PCDHA11: variants seen among roughly 807,000 people sequenced by gnomAD.
The protein encoded by PCDHA11 is protocadherin alpha-11.
A neutral mutation model predicts 70.3 loss-of-function variants in PCDHA11; 61 were observed. That is an observed-to-expected ratio of 0.87 (90% CI 0.71 to 1.07). PCDHA11 has a LOEUF of 1.07. Among genes scored for constraint, PCDHA11 ranks in the 50% least tolerant of loss-of-function variants. The pLI is 0.00. For synonymous variants in PCDHA11, 633 were observed against 555.1 expected, an observed-to-expected ratio of 1.14 and a Z score of -1.97; for missense variants, 1,324 against 1,237.5, an observed-to-expected ratio of 1.07 and a Z score of -1.05.
rs544074425 is a variant in PCDHA11, at chr5:140,965,070, C to A, written c.2392-13879C>A. Among the ~76,000 whole-genome samples the A allele has an allele frequency of 1.2e-4, 19 of 152,306 alleles. 1 individual carries two copies. In the South Asian group the frequency reaches 3.9e-3, roughly 32 times the overall value. On this transcript the variant is annotated intron_variant, in intron 1 of 3. Coordinates refer to ENST00000398640, the MANE Select transcript of PCDHA11 (RefSeq NM_018902.5). ...GGGAAGCATGCCAAATGTCAGGTCT[C>A]ACTCTGACTTTGTTCCAGTCCATAG... is the stretch of plus-strand genomic sequence containing the variant.
rs143580970 is a variant in PCDHA11, at chr5:140,976,476, G to A, written c.2392-2473G>A. ...TGGGGAAGAAGAATTGCTTGAATCC[G>A]GGAGGCAGAGGTTGCAGGGAGCCAA... On this transcript the variant is annotated intron_variant, in intron 1 of 3. Transcript: ENST00000398640. 8.2e-3 allele frequency among the ~76,000 whole-genome samples: 1,253 copies of A among 152,132 alleles called. 22 individuals carry two copies. The highest frequency in any genetic ancestry group is 0.028 in the African/African-American group (1,179 of 41,504).
Position 140,953,715 on chromosome 5 carries a change from A to T in PCDHA11, c.2392-25234A>T, listed in dbSNP as rs535385036. Among the ~76,000 whole-genome samples the T allele has an allele frequency of 2.6e-5, 4 of 152,312 alleles. No homozygotes were observed. The South Asian group carries it at 6.2e-4, about 24-fold the overall frequency. On this transcript the variant is annotated intron_variant, in intron 1 of 3. Transcript: ENST00000398640. ...TGATCTACTAGACTGAGCTTCAGAC[A>T]TTGTGTTTTGAAATTTTTGCTTAAC...
Position 140,870,676 on chromosome 5 carries a change from G to T in PCDHA11, c.1573G>T (p.Glu525Ter). 1 of 1,612,702 alleles carries T rather than the reference G, an allele frequency of 6.2e-7. No individual in the cohort carries two copies. ...KVYALQPLDH[E>*]ELELLQFQVS... ...GTACGCGCTGCAGCCGTTGGACCAC[G>T]AGGAGCTGGAGCTGCTACAGTTCCA... Residue 525 changes from glutamate to a stop codon, truncating the protein, a stop_gained, in exon 1 of 4, where the codon GAG becomes TAG. Transcript: ENST00000398640. LOFTEE classifies it high-confidence loss of function.
At position 140,870,539 on chromosome 5, in the gene PCDHA11, G is replaced by C. The variant is rs367673976; in HGVS notation, c.1436G>C (p.Arg479Pro). 1.2e-5 allele frequency: 20 copies of C among 1,614,040 alleles called. No individual in the cohort carries two copies. The highest frequency in any genetic ancestry group is 1.7e-5 in the Admixed American group (1 of 60,012). ...TGCCACATCTTCACAGTGTCGGCGC[G>C]GGACGCGGACGCGCAGGAGAACGCG... is the stretch of plus-strand genomic sequence containing the variant. ...PGCHIFTVSA[R>P]DADAQENALV... The change falls in exon 1 of 4, where the codon CGG becomes CCG. Residue 479 changes from arginine to proline, a missense_variant. Transcript: ENST00000398640.
intron 1 of PCDHA11, among the ~76,000 whole-genome samples, chr5:140,895,936 G>A (rs1428112046): frequency 6.6e-6 from 1 of 151,984 alleles, no homozygotes; most frequent in Non-Finnish European, 1.5e-5. Context: ...TCAGCCTCCC[G>A]AGTAGCTGGG....
At chr5:140,884,035 C>A (rs782637499) in intron 1 of PCDHA11, 1 of 1,613,396 alleles carries the variant, frequency 6.2e-7, no homozygotes, top group South Asian at 1.1e-5. Context: ...GTGCAGGCCA[C>A]GTGGTGGCGA....
At position 140,994,426 on chromosome 5, in the gene PCDHA11, G is replaced by A. The variant is rs994056098; in HGVS notation, c.2539+11863G>A. Among the ~76,000 whole-genome samples the A allele has an allele frequency of 3.9e-5, 6 of 152,110 alleles. No homozygotes were observed. In the East Asian group the frequency reaches 1.2e-3, roughly 29 times the overall value. ...CATTTAATACTGGATATTGAGGCCG[G>A]GCGCAGTGGCTCACACCTGTGATCC... On this transcript the variant is annotated intron_variant, in intron 3 of 3. Coordinates refer to ENST00000398640, the MANE Select transcript of PCDHA11 (RefSeq NM_018902.5).
In PCDHA11 at chr5:140,884,002, C is replaced by G. The variant is rs1189374158; in HGVS notation, c.2391+12508C>G. 26 of 1,612,788 alleles carry G rather than the reference C, an allele frequency of 1.6e-5. No individual in the cohort carries two copies. Among genetic ancestry groups the G allele is most frequent in the Non-Finnish European group, 2.2e-5 (26 of 1,179,570 alleles). Reference sequence around the variant, plus strand: ...CTGGCAGCGCGGGAGGCACAGTGAGCGAGCTGATGCCGCGGTCGGTGGGTG... The same window carrying G: ...CTGGCAGCGCGGGAGGCACAGTGAGGGAGCTGATGCCGCGGTCGGTGGGTG... On this transcript the variant is annotated intron_variant, in intron 1 of 3. Coordinates refer to ENST00000398640, the MANE Select transcript of PCDHA11 (RefSeq NM_018902.5).
At position 140,967,486 on chromosome 5, in the gene PCDHA11, G is replaced by A. The variant is rs782309199; in HGVS notation, c.2392-11463G>A. The A allele has an allele frequency of 2.5e-6, 4 of 1,612,986 alleles. No individual in the cohort carries two copies. The African/African-American group carries it at 4.0e-5, about 16-fold the overall frequency. ...GGGGCATCCCAGCCCGCTCGGGTAC[G>A]GCACAGATCTCTGTGCGTGTCCTGG... On this transcript the variant is annotated intron_variant, in intron 1 of 3. Coordinates refer to ENST00000398640, the MANE Select transcript of PCDHA11 (RefSeq NM_018902.5).
intron 1 of PCDHA11, among the ~76,000 whole-genome samples, chr5:140,951,706 G>A (rs2094621330): frequency 6.6e-6 from 1 of 152,060 alleles, no homozygotes; most frequent in African/African-American, 2.4e-5. Context: ...CTTTGGGCGG[G>A]GACACAGATC....
rs1432649344 is a variant in PCDHA11, at chr5:140,870,194, C to T, written c.1091C>T (p.Pro364Leu). ...CTCCCAGTACGAGAGGACGCTCAGC[C>T]CAGCACGGTCATTGCCCTGATCAGC... ...LSLPVREDAQ[P>L]STVIALISVS... Residue 364 changes from proline (P) to leucine (L), a missense_variant, in exon 1 of 4, where the codon CCC becomes CTC. Transcript: ENST00000398640. 5.0e-6 allele frequency: 8 copies of T among 1,614,050 alleles called. No homozygotes were observed. Among genetic ancestry groups the T allele is most frequent in the Non-Finnish European group, 5.9e-6 (7 of 1,180,054 alleles).
intron 3 of PCDHA11, among the ~76,000 whole-genome samples, chr5:140,991,982 A>ACCAC (rs2097483325): frequency 6.6e-6 from 1 of 151,494 alleles, no homozygotes; most frequent in African/African-American, 2.4e-5. Context: ...TATTCTGCCT[A>ACCAC]CCACCCGGTC....
At chr5:140,992,318 C>G (rs2097504992) in intron 3 of PCDHA11, among the ~76,000 whole-genome samples, 1 of 152,128 alleles carries the variant, frequency 6.6e-6, no homozygotes, top group African/African-American at 2.4e-5. Flanking sequence ...TGGGCATTCC[C>G]TTTTCTAAGA....
chr5:140,884,811 T>C (rs782097563), intron 1 of PCDHA11: 155 of 1,119,034 alleles, frequency 1.4e-4, no homozygotes, highest in Non-Finnish European at 1.9e-4. Context: ...AACTCTGCTG[T>C]GGACATTATG....
At chr5:140,992,131 T>C (rs1554252686) in intron 3 of PCDHA11, among the ~76,000 whole-genome samples, 1 of 151,874 alleles carries the variant, frequency 6.6e-6, no homozygotes, top group African/African-American at 2.4e-5. Flanking sequence ...GAACAGTGAC[T>C]GATGATGCTA....
chr5:140,947,938 A>G (rs2094195228), intron 1 of PCDHA11, among the ~76,000 whole-genome samples: 1 of 151,536 alleles, frequency 6.6e-6, no homozygotes, highest in African/African-American at 2.4e-5. Context: ...CTTATGAGAA[A>G]AGTGTTCCAT....
chr5:140,968,206 G>A lies in PCDHA11; in HGVS notation c.2392-10743G>A, dbSNP rs782751494. Reference sequence around the variant, plus strand: ...ACTCCTATTCCATCTACATACAGGAGAACAATTTGCCAGGTGTGTTGCTCT... The same window carrying A: ...ACTCCTATTCCATCTACATACAGGAAAACAATTTGCCAGGTGTGTTGCTCT... On this transcript the variant is annotated intron_variant, in intron 1 of 3. Coordinates refer to ENST00000398640, the MANE Select transcript of PCDHA11 (RefSeq NM_018902.5). 170 of 1,613,876 alleles carry A rather than the reference G, an allele frequency of 1.1e-4. 1 individual carries two copies. Among genetic ancestry groups the A allele is most frequent in the Non-Finnish European group, 1.4e-4 (163 of 1,180,042 alleles).
intron 1 of PCDHA11, among the ~76,000 whole-genome samples, chr5:140,944,043 T>C (rs2093600641): frequency 6.6e-6 from 1 of 152,080 alleles, no homozygotes; most frequent in African/African-American, 2.4e-5. Flanking sequence ...GAAAACCAGA[T>C]TGGGATACAA....
intron 1 of PCDHA11, among the ~76,000 whole-genome samples, chr5:140,898,608 T>G (rs1208473607): frequency 7.2e-5 from 11 of 152,362 alleles, no homozygotes; most frequent in African/African-American, 2.6e-4. Flanking sequence ...TAGTATAGTT[T>G]GAAGTCAGGT....
Sources: gnomAD v4.1 joint callset for allele counts (sites outside exome capture counted in the v4.1 genomes callset) on GRCh38, gnomAD v4.1.1 for gene constraint, MANE v1.5 for transcripts, NCBI Gene and HGNC (gene_info 2026-07-23, HGNC 2026-07-21) for gene names.